TNR: variants seen among roughly 807,000 people sequenced by gnomAD.
TNR encodes the protein tenascin R.
In TNR, 45 loss-of-function variants were observed where a neutral mutation model predicts 150.4. The observed-to-expected ratio is 0.30, with a 90% CI of 0.24 to 0.38. The LOEUF is 0.38. TNR is among the 10% of genes least tolerant of loss of function. TNR has a pLI of 1.00. For synonymous variants in TNR, 687 were observed against 678.4 expected, an observed-to-expected ratio of 1.01 and a Z score of -0.20; for missense variants, 1,544 against 1,759.1, an observed-to-expected ratio of 0.88 and a Z score of 2.19.
At chr1:175,660,339 G>T (rs1665323922) in intron 1 of TNR, among the ~76,000 whole-genome samples, 1 of 152,346 alleles carries the variant, frequency 6.6e-6, no homozygotes, top group East Asian at 1.9e-4. Context: ...ACATGGGCTG[G>T]GAATAGCTCC....
At chr1:175,497,231 TCTC>T (rs1287679372) in intron 2 of TNR, among the ~76,000 whole-genome samples, 2 of 152,134 alleles carry the variant, frequency 1.3e-5, no homozygotes, top group East Asian at 1.9e-4. Context: ...TCCCTTCACT[TCTC>T]CTCGGTTTTG....
chr1:175,633,225 T>C (rs12072007), intron 1 of TNR, among the ~76,000 whole-genome samples: 3,314 of 152,290 alleles, frequency 0.022, 130 homozygotes, highest in African/African-American at 0.074. Context: ...CTTTCTATTA[T>C]TCATACTTTA....
chr1:175,607,663 G>A (rs1025205460), intron 1 of TNR, among the ~76,000 whole-genome samples: 1 of 152,206 alleles, frequency 6.6e-6, no homozygotes, highest in East Asian at 1.9e-4. Flanking sequence ...TAAACATTAT[G>A]TCTGAAAGGA....
At chr1:175,527,951 G>A (rs1319204208) in intron 2 of TNR, among the ~76,000 whole-genome samples, 2 of 152,218 alleles carry the variant, frequency 1.3e-5, no homozygotes, top group Non-Finnish European at 2.9e-5. Flanking sequence ...GCAGGCACAG[G>A]CAGGCTGGGA....
intron 2 of TNR, among the ~76,000 whole-genome samples, chr1:175,441,921 T>A (rs958604197): frequency 6.6e-6 from 1 of 152,200 alleles, no homozygotes; most frequent in Non-Finnish European, 1.5e-5. Context: ...TGTGAATTAC[T>A]AAAAAACAGA....
chr1:175,419,949 C>T (rs1333657257), intron 2 of TNR, among the ~76,000 whole-genome samples: 2 of 152,188 alleles, frequency 1.3e-5, no homozygotes, highest in African/African-American at 2.4e-5. Flanking sequence ...CTACCTTGCC[C>T]TGGAGCTTCC....
intron 2 of TNR, among the ~76,000 whole-genome samples, chr1:175,428,168 A>C (rs558677449): frequency 5.3e-5 from 8 of 152,322 alleles, no homozygotes; most frequent in African/African-American, 1.7e-4. Flanking sequence ...ACAGTAAACC[A>C]ATGCCTTGGC....
Position 175,562,556 on chromosome 1 carries a change from T to A in TNR, c.-164-34187A>T, listed in dbSNP as rs1661472215. ...GAATTCTAAATGGAAAGGTTATGGC[T>A]GAATGACTAAGCAAGGGAGAACACA... On this transcript the variant is annotated intron_variant, in intron 1 of 22. Coordinates refer to ENST00000367674, the MANE Select transcript of TNR (RefSeq NM_003285.3). Among the ~76,000 whole-genome samples, 2 of 152,238 alleles carry A rather than the reference T, an allele frequency of 1.3e-5. 1 individual carries two copies. Among genetic ancestry groups the A allele is most frequent in the South Asian group, 4.1e-4 (2 of 4,834 alleles).
chr1:175,626,939 G>A (rs1664173956), intron 1 of TNR, among the ~76,000 whole-genome samples: 1 of 152,162 alleles, frequency 6.6e-6, no homozygotes, highest in Non-Finnish European at 1.5e-5. Context: ...TTGCAGTGAT[G>A]TCACCACAAG....
chr1:175,345,694 G>A (rs1432496821), intron 18 of TNR, among the ~76,000 whole-genome samples: 6 of 151,754 alleles, frequency 4.0e-5, no homozygotes, highest in African/African-American at 1.5e-4. Context: ...GGTATTTGGA[G>A]GATAGACTAT....
At chr1:175,335,831 A>AAAAC (rs747667183) in intron 19 of TNR, 24 bp from the exon 20 acceptor site, 6 of 1,594,746 alleles carry the variant, frequency 3.8e-6, no homozygotes, top group Non-Finnish European at 5.1e-6. Context: ...AAAAAAACAA[A>AAAAC]AAACAAACAA....
chr1:175,359,621 G>C lies in TNR; in HGVS notation c.2965C>G (p.His989Asp). The change falls in exon 15 of 23, where the codon CAC becomes GAC. Residue 989 changes from histidine to aspartate, a missense_variant. His to Asp is a moderately conservative substitution (Grantham distance 81). Transcript: ENST00000367674. Reference sequence around the variant, plus strand: ...GCCTGCAGACACCCACCTGCAAAGTGTGTAAGAACAATGACGTAGTTCTCC... The same window carrying C: ...GCCTGCAGACACCCACCTGCAAAGTCTGTAAGAACAATGACGTAGTTCTCC... ...EVENYVIVLTHFAVAGETILV... is the reference protein window; with the variant it reads ...EVENYVIVLTDFAVAGETILV... The C allele has an allele frequency of 6.2e-7, 1 of 1,613,570 alleles. No individual in the cohort carries two copies. Among genetic ancestry groups the C allele is most frequent in the Non-Finnish European group, 8.5e-7 (1 of 1,179,808 alleles).
At chr1:175,524,771 CA>C (rs1659786905) in intron 2 of TNR, among the ~76,000 whole-genome samples, 1 of 152,188 alleles carries the variant, frequency 6.6e-6, no homozygotes, top group African/African-American at 2.4e-5. Context: ...TTACATTTTG[CA>C]CATGTAAAGC....
intron 1 of TNR, among the ~76,000 whole-genome samples, chr1:175,543,254 G>T (rs1043153214): frequency 1.3e-5 from 2 of 152,136 alleles, no homozygotes; most frequent in Non-Finnish European, 2.9e-5. Flanking sequence ...GCTGGCCTGT[G>T]GGGGGTCATT....
chr1:175,453,772 T>C (rs1656432359), intron 2 of TNR, among the ~76,000 whole-genome samples: 1 of 152,108 alleles, frequency 6.6e-6, no homozygotes, highest in African/African-American at 2.4e-5. Context: ...TATGTCTCGC[T>C]TTGTTGTCCA....
chr1:175,741,955 G>A (rs930226895), intron 1 of TNR, among the ~76,000 whole-genome samples: 9 of 152,188 alleles, frequency 5.9e-5, no homozygotes, highest in African/African-American at 2.2e-4. Context: ...TAAATCAAGG[G>A]AAGACTTGCT....
chr1:175,714,310 T>C (rs967242426), intron 1 of TNR, among the ~76,000 whole-genome samples: 2 of 152,080 alleles, frequency 1.3e-5, no homozygotes, highest in Admixed American at 6.6e-5. Context: ...GGAAAGCCCA[T>C]TGTTGCCTGA....
At chr1:175,353,713 T>C (rs927289864) in intron 18 of TNR, among the ~76,000 whole-genome samples, 1 of 152,168 alleles carries the variant, frequency 6.6e-6, no homozygotes, top group Admixed American at 6.5e-5. Flanking sequence ...ATGTTGAGGG[T>C]TTACTACTGC....
At chr1:175,325,950 T>C (rs1203794356) in intron 21 of TNR, among the ~76,000 whole-genome samples, 2 of 152,120 alleles carry the variant, frequency 1.3e-5, no homozygotes, top group East Asian at 1.9e-4. Context: ...CACACCAACA[T>C]GGCACATGTA....
Sources: gnomAD v4.1 joint callset for allele counts (sites outside exome capture counted in the v4.1 genomes callset) on GRCh38, gnomAD v4.1.1 for gene constraint, MANE v1.5 for transcripts, NCBI Gene and HGNC (gene_info 2026-07-23, HGNC 2026-07-21) for gene names.